Variants in MICAL3 observed in about 807,000 individuals in gnomAD.
MICAL3 encodes the protein [F-actin]-monooxygenase MICAL3.
A neutral mutation model predicts 207.4 loss-of-function variants in MICAL3; 62 were observed. That is an observed-to-expected ratio of 0.30 (90% CI 0.24 to 0.37). The LOEUF (loss-of-function observed/expected upper bound fraction) is 0.37. MICAL3 is among the 10% of genes least tolerant of loss of function. The pLI, the probability that MICAL3 is intolerant of heterozygous loss-of-function variation, is 1.00. For synonymous variants in MICAL3, 1,077 were observed against 1,069.3 expected (o/e 1.01, Z -0.14); for missense variants, 2,368 against 2,635.6 (o/e 0.90, Z 2.22).
In MICAL3 at chr22:17,871,971, T is replaced by C. The variant is rs1306448852; in HGVS notation, c.2294A>G (p.Tyr765Cys). The change falls in exon 17 of 32, where the codon TAC becomes TGC. Residue 765 changes from tyrosine to cysteine, a missense_variant. Around this residue, in one of 4 missense-constraint regions of MICAL3, gnomAD observed 1,770 missense variants for 1,863.2 expected, o/e 0.95. Transcript: ENST00000441493. ...CACGTAGACCCGCTTCTGGCAGAAG[T>C]AGCATGTGTCGCTGCCTCCCAGGTT... ...PQNLGGSDTC[Y>C]FCQKRVYVME... 8.7e-6 allele frequency: 14 copies of C among 1,611,078 alleles called. No individual in the cohort carries two copies. The highest frequency in any genetic ancestry group is 4.5e-5 in the East Asian group (2 of 44,838).
intron 1 of MICAL3, among the ~76,000 whole-genome samples, chr22:17,934,378 G>A (rs927907063): frequency 1.3e-5 from 2 of 152,148 alleles, no homozygotes; most frequent in East Asian, 3.8e-4. Flanking sequence ...CTCAATAGGT[G>A]CAGAAAAATC....
chr22:17,945,291 G>C (rs1049453519), intron 1 of MICAL3, among the ~76,000 whole-genome samples: 1 of 152,062 alleles, frequency 6.6e-6, no homozygotes, highest in Non-Finnish European at 1.5e-5. Context: ...GAGGGCCTGC[G>C]TCTCCTTCAC....
chr22:17,861,764 G>A (rs1192580847), intron 19 of MICAL3: 1 of 985,130 alleles, frequency 1.0e-6, no homozygotes, highest in African/African-American at 1.7e-5. Context: ...CAAAAAAGAG[G>A]ATTTCTATAT....
chr22:18,013,585 T>A (rs1923875521), intron 1 of MICAL3, among the ~76,000 whole-genome samples: 2 of 152,058 alleles, frequency 1.3e-5, no homozygotes, highest in African/African-American at 4.8e-5. Flanking sequence ...GCACAATGGG[T>A]GTAGCAATGC....
At chr22:17,877,234 TGGAGGTTAG>T (rs1378224093) in intron 16 of MICAL3, among the ~76,000 whole-genome samples, 14 of 34,324 alleles carry the variant, frequency 4.1e-4, no homozygotes, top group South Asian at 1.4e-3. Context: ...AGGGAGGTTA[TGGAGGTTAG>T]GGAGGTTAGG....
intron 20 of MICAL3, among the ~76,000 whole-genome samples, chr22:17,833,384 A>G (rs554352290): frequency 6.6e-6 from 1 of 152,326 alleles, no homozygotes; most frequent in Non-Finnish European, 1.5e-5. Flanking sequence ...ACAAAATCCA[A>G]GAAGCATCAG....
chr22:18,007,908 G>A (rs1923497060), intron 1 of MICAL3, among the ~76,000 whole-genome samples: 1 of 115,808 alleles, frequency 8.6e-6, no homozygotes, highest in Non-Finnish European at 1.7e-5. Flanking sequence ...GGACGACAGA[G>A]CGAGACTCCA....
At chr22:17,901,618 C>T (rs28558416) in intron 5 of MICAL3, among the ~76,000 whole-genome samples, 1 of 152,066 alleles carries the variant, frequency 6.6e-6, no homozygotes. Context: ...CTGCAGTGAG[C>T]GTGATCATGA....
At chr22:17,875,736 G>C (rs1404515899) in intron 16 of MICAL3, among the ~76,000 whole-genome samples, 4 of 149,460 alleles carry the variant, frequency 2.7e-5, no homozygotes, top group Non-Finnish European at 5.9e-5. Flanking sequence ...CCCATGCAAG[G>C]CTTCCGTTTT....
Position 17,810,804 on chromosome 22 carries a change from A to C in MICAL3, c.5455T>G (p.Tyr1819Asp), listed in dbSNP as rs2062039824. The change falls in exon 28 of 32, where the codon TAC becomes GAC. Residue 1819 changes from tyrosine to aspartate, a missense_variant. Physicochemically the swap from Tyr to Asp is radical, Grantham distance 160 (BLOSUM62 -3). Coordinates refer to ENST00000441493, the MANE Select transcript of MICAL3 (RefSeq NM_015241.3). ...SQKSRREPRT[Y>D]TEEELNAKLT... is the part of the protein sequence containing the mutation. ...TTGGCATTCAGTTCCTCCTCCGTGT[A>C]GGTTCTTGGCTGGAGAGAACAAGAG... is the stretch of plus-strand genomic sequence containing the variant. 1 of 1,613,800 alleles carries C rather than the reference A, an allele frequency of 6.2e-7. No homozygotes were observed. The highest frequency in any genetic ancestry group is 2.2e-5 in the East Asian group (1 of 44,876).
intron 1 of MICAL3, among the ~76,000 whole-genome samples, chr22:17,998,675 C>T (rs1922593637): frequency 6.6e-6 from 1 of 151,922 alleles, no homozygotes; most frequent in Non-Finnish European, 1.5e-5. Flanking sequence ...ATTCTCCTGC[C>T]TCAGCCTCCC....
chr22:17,802,916 G>T (rs189061928), intron 29 of MICAL3, among the ~76,000 whole-genome samples: 1 of 152,310 alleles, frequency 6.6e-6, no homozygotes, highest in Admixed American at 6.5e-5. Context: ...GAGAAAAGCT[G>T]CCTGAAGCTT....
At chr22:17,901,787 G>A in intron 5 of MICAL3, 91 bp downstream of exon 5, 1 of 913,400 alleles carries the variant, frequency 1.1e-6, no homozygotes, top group South Asian at 1.8e-5. Flanking sequence ...TCAAAAGGGT[G>A]GACGCTGGTC....
chr22:17,822,221 T>C, intron 23 of MICAL3, 51 bp from the exon 24 acceptor site: 1 of 1,578,300 alleles, frequency 6.3e-7, no homozygotes, highest in Non-Finnish European at 8.6e-7. Flanking sequence ...TGAGGCCAAC[T>C]CCTTTTCCAC....
At chr22:17,863,057 T>C (rs1443801910) in intron 19 of MICAL3, 1 of 985,412 alleles carries the variant, frequency 1.0e-6, no homozygotes, top group African/African-American at 1.7e-5. Context: ...CTCTCCCCAC[T>C]ATGTAGAACA....
chr22:17,936,087 A>G (rs1933511939), intron 1 of MICAL3, among the ~76,000 whole-genome samples: 2 of 152,224 alleles, frequency 1.3e-5, no homozygotes, highest in South Asian at 4.1e-4. Context: ...TATATACCCA[A>G]AAGATTATAA....
chr22:18,016,756 C>A (rs932392024), intron 1 of MICAL3, among the ~76,000 whole-genome samples: 1 of 151,968 alleles, frequency 6.6e-6, no homozygotes, highest in Non-Finnish European at 1.5e-5. Flanking sequence ...CTGGCTAACA[C>A]AGTGAAACCC....
intron 1 of MICAL3, among the ~76,000 whole-genome samples, chr22:17,918,248 T>G (rs1932662589): frequency 6.6e-6 from 1 of 151,980 alleles, no homozygotes; most frequent in Admixed American, 6.6e-5. Context: ...GCCACTGCAC[T>G]CTGGCCTGGC....
intron 1 of MICAL3, among the ~76,000 whole-genome samples, chr22:18,023,954 A>T (rs923742532): frequency 6.6e-6 from 1 of 152,182 alleles, no homozygotes; most frequent in African/African-American, 2.4e-5. Flanking sequence ...TGCCTGCGGG[A>T]TAGAAGCACA....
Sources: gnomAD v4.1 joint callset for allele counts (sites outside exome capture counted in the v4.1 genomes callset) on GRCh38, gnomAD v4.1.1 for gene constraint, gnomAD v4.1.1 regional missense constraint, MANE v1.5 for transcripts, NCBI Gene and HGNC (gene_info 2026-07-23, HGNC 2026-07-21) for gene names.